Variants in BBS7 observed in about 807,000 individuals in gnomAD.
BBS7 encodes BBSome complex member BBS7.
In BBS7, 50 loss-of-function variants were observed where a neutral mutation model predicts 90.3. The observed-to-expected ratio is 0.55, with a 90% CI of 0.44 to 0.70. The LOEUF (loss-of-function observed/expected upper bound fraction) is 0.70. Among genes scored for constraint, BBS7 ranks in the 30% least tolerant of loss-of-function variants. BBS7 has a pLI of 0.00. For synonymous variants in BBS7, 235 were observed against 287.4 expected (o/e 0.82, Z 1.85); for missense variants, 729 against 838.9 (o/e 0.87, Z 1.62).
At chr4:121,834,659 C>T (rs1725358488) in intron 14 of BBS7, among the ~76,000 whole-genome samples, 1 of 152,090 alleles carries the variant, frequency 6.6e-6, no homozygotes, top group Non-Finnish European at 1.5e-5. Context: ...CATCTCTTTC[C>T]CTTCTCTTTA....
At chr4:121,868,784 T>C (rs911495062) in intron 1 of BBS7, among the ~76,000 whole-genome samples, 6 of 150,622 alleles carry the variant, frequency 4.0e-5, no homozygotes, top group Non-Finnish European at 8.8e-5. Context: ...TGAAGATTAT[T>C]TTACAAAAAA....
At chr4:121,827,386 T>C (rs1724963496) in intron 18 of BBS7, among the ~76,000 whole-genome samples, 1 of 152,128 alleles carries the variant, frequency 6.6e-6, no homozygotes, top group African/African-American at 2.4e-5. Flanking sequence ...GGTGAGAAGA[T>C]TCTAATGCAG....
At chr4:121,828,373 C>T in intron 17 of BBS7, 29 bp downstream of exon 17, 1 of 1,596,932 alleles carries the variant, frequency 6.3e-7, no homozygotes, top group Non-Finnish European at 8.6e-7. Flanking sequence ...AAATAATAAT[C>T]ACCAGTCCAC....
intron 11 of BBS7, among the ~76,000 whole-genome samples, chr4:121,845,106 C>G (rs144037734): frequency 6.6e-6 from 1 of 152,152 alleles, no homozygotes; most frequent in East Asian, 1.9e-4. Flanking sequence ...GGGTGGTTCA[C>G]GCTTGCAATC....
rs772355304 is a variant in BBS7, at chr4:121,828,391, CAT to C, written c.1890+9_1890+10del. The stretch of plus-strand genomic sequence containing the variant: ...TAATAATCACCAGTCCACGACGACA[CAT>C]GTACTTACTTTTAAAGCATCAATTA... On this transcript the variant is annotated intron_variant, in intron 17 of 18. Coordinates refer to ENST00000264499, the MANE Select transcript of BBS7 (RefSeq NM_176824.3). 7.1e-5 allele frequency: 115 copies of C among 1,608,938 alleles called. No individual in the cohort carries two copies. In the African/African-American group the frequency reaches 1.4e-3, roughly 19 times the overall value.
At chr4:121,839,574 C>T in intron 13 of BBS7, 57 bp downstream of exon 13, 1 of 1,336,894 alleles carries the variant, frequency 7.5e-7, no homozygotes, top group Non-Finnish European at 1.1e-6. Flanking sequence ...GTAAGACATA[C>T]CAGCAGGAAA....
chr4:121,838,126 G>T (rs921874961), intron 13 of BBS7, among the ~76,000 whole-genome samples: 1 of 151,200 alleles, frequency 6.6e-6, no homozygotes, highest in African/African-American at 2.4e-5. Context: ...GAGAAACATT[G>T]CTTTTAATCA....
chr4:121,833,521 A>T, intron 14 of BBS7, 126 bp from the exon 15 acceptor site: 1 of 890,702 alleles, frequency 1.1e-6, no homozygotes, highest in South Asian at 1.5e-5. Flanking sequence ...ATTTTCTCAG[A>T]TTAATCTTAT....
intron 6 of BBS7, 180 bp downstream of exon 6, chr4:121,855,309 C>A (rs1371018928): frequency 1.7e-6 from 1 of 587,122 alleles, no homozygotes; most frequent in Non-Finnish European, 3.1e-6. Flanking sequence ...CCCTGCCCCC[C>A]AGCCCCCCAA....
intron 4 of BBS7, among the ~76,000 whole-genome samples, chr4:121,860,690 A>C (rs557073132): frequency 1.3e-5 from 2 of 152,190 alleles, no homozygotes; most frequent in Non-Finnish European, 1.5e-5. Flanking sequence ...TTGAAATTAC[A>C]TATTTCCACT....
rs985183304 is a variant in BBS7, at chr4:121,848,668, A to C, written c.934+176T>G. Among the ~76,000 whole-genome samples the C allele has an allele frequency of 3.3e-5, 5 of 152,354 alleles. No individual in the cohort carries two copies. In the South Asian group the frequency reaches 1.0e-3, roughly 32 times the overall value. On this transcript the variant is annotated intron_variant, in intron 9 of 18. Transcript: ENST00000264499. ...ATAGGAAAAAATATAATATATATAG[A>C]GTTCAGCACTATTTGAGGTTTGAGG...
chr4:121,828,585 AC>A lies in BBS7; in HGVS notation c.1786+33del. 5.8e-6 allele frequency: 9 copies of A among 1,555,898 alleles called. 1 individual carries two copies. The highest frequency in any genetic ancestry group is 1.7e-5 in the Admixed American group (1 of 59,892). ...ATAATGTAACAACAACACAAAATAA[AC>A]ATCAGAAAGAATTATTAATTTTGTT... is the stretch of plus-strand genomic sequence containing the variant. On this transcript the variant is annotated intron_variant, in intron 16 of 18. Transcript: ENST00000264499.
At position 121,838,895 on chromosome 4, in the gene BBS7, C is replaced by T. The variant is rs1459962085; in HGVS notation, c.1371+736G>A. Among the ~76,000 whole-genome samples the T allele has an allele frequency of 3.1e-5, 4 of 129,284 alleles. No individual in the cohort carries two copies. The Admixed American group carries it at 3.4e-4, about 11-fold the overall frequency. The allele number at this position is 129,284 out of a possible 152,430, so 84.8% of individuals were successfully genotyped here. On this transcript the variant is annotated intron_variant, in intron 13 of 18. Coordinates refer to ENST00000264499, the MANE Select transcript of BBS7 (RefSeq NM_176824.3). ...GGGTGACAAGAGCACAAGAGCGAGA[C>T]TCCATCTCAAAAAAAAAAAAAAAGA... is the stretch of plus-strand genomic sequence containing the variant.
intron 5 of BBS7, among the ~76,000 whole-genome samples, chr4:121,855,815 CAT>C (rs1170282085): frequency 4.3e-5 from 4 of 93,998 alleles, no homozygotes; most frequent in South Asian, 7.3e-4. Context: ...TATGTACACA[CAT>C]GTATACATAT....
chr4:121,828,598 T>C, intron 16 of BBS7, 21 bp downstream of exon 16: 1 of 1,558,948 alleles, frequency 6.4e-7, no homozygotes, highest in Non-Finnish European at 8.8e-7. Context: ...TCAGAAAGAA[T>C]TATTAATTTT....
At chr4:121,858,046 T>A (rs554213089) in intron 5 of BBS7, among the ~76,000 whole-genome samples, 47 of 152,250 alleles carry the variant, frequency 3.1e-4, no homozygotes, top group Admixed American at 2.9e-3. Flanking sequence ...CCTCAAATGA[T>A]CTTCCCGTCT....
chr4:121,845,691 T>G lies in BBS7; in HGVS notation c.1043A>C (p.Glu348Ala). ...MQNKISSLRN[E>A]LEHLQYKVLQ... is the part of the protein sequence containing the mutation. ...TACCTTATACTGCAAATGTTCCAAC[T>G]CATTCCTGGAGAAAAACACATACAA... The change falls in exon 11 of 19, where the codon GAG (glutamate) becomes GCG (alanine). Residue 348 changes from glutamate to alanine, a missense_variant. Transcript: ENST00000264499. The G allele has an allele frequency of 1.2e-6, 2 of 1,611,774 alleles. No homozygotes were observed. Among genetic ancestry groups the G allele is most frequent in the Non-Finnish European group, 1.7e-6 (2 of 1,178,254 alleles).
Position 121,867,922 on chromosome 4 carries a change from A to C in BBS7, c.102+59T>G. The C allele has an allele frequency of 6.6e-6, 9 of 1,357,606 alleles. 1 individual carries two copies. The South Asian group carries it at 9.4e-5, about 14-fold the overall frequency. The allele number at this position is 1,357,606 out of a possible 1,614,324, so 84.1% of individuals were successfully genotyped here. A position where few individuals can be genotyped will look rare whatever the true frequency, so the allele number is the denominator to read the frequency against. ...ATAACTTAATAATAAAGAAGGAAAT[A>C]GGAGCCTCTCCTCTGTCACTGCTAG... is the stretch of plus-strand genomic sequence containing the variant. On this transcript the variant is annotated intron_variant, in intron 2 of 18. Coordinates refer to ENST00000264499, the MANE Select transcript of BBS7 (RefSeq NM_176824.3).
chr4:121,868,771 A>G (rs1468059371), intron 1 of BBS7, among the ~76,000 whole-genome samples: 5 of 150,760 alleles, frequency 3.3e-5, no homozygotes, highest in Admixed American at 6.6e-5. Flanking sequence ...CCAATCTAAC[A>G]GGTGAAGATT....
Sources: allele counts gnomAD v4.1 joint callset (sites outside exome capture counted in the v4.1 genomes callset), GRCh38; gene constraint gnomAD v4.1.1; transcripts MANE v1.5; gene names NCBI Gene and HGNC (gene_info 2026-07-23, HGNC 2026-07-21).